Variants in ADH4 observed in about 807,000 individuals in gnomAD.
ADH4 encodes all-trans-retinol dehydrogenase [NAD(+)] ADH4.
A neutral mutation model predicts 35.2 loss-of-function variants in ADH4; 31 were observed. The observed-to-expected ratio is 0.88, with a 90% CI of 0.66 to 1.19. The LOEUF (loss-of-function observed/expected upper bound fraction) is 1.19, where lower values mean the gene tolerates loss of function less well. Among genes scored for constraint, ADH4 ranks in the 50% most tolerant of loss-of-function variants. The pLI is 0.00. For missense variants in ADH4, 476 were observed against 458.3 expected (o/e 1.04, Z -0.35); for synonymous variants, 171 against 160.2 (o/e 1.07, Z -0.51).
At chr4:99,141,168 T>C (rs968594434) in intron 3 of ADH4, among the ~76,000 whole-genome samples, 2 of 152,196 alleles carry the variant, frequency 1.3e-5, no homozygotes, top group African/African-American at 4.8e-5. Flanking sequence ...TACAATAGTT[T>C]GCTAAGGATA....
At chr4:99,127,369 T>A in intron 6 of ADH4, 25 bp from the exon 7 acceptor site, 1 of 1,556,366 alleles carries the variant, frequency 6.4e-7, no homozygotes, top group Admixed American at 1.9e-5. Flanking sequence ...AAAAGAATAC[T>A]TGAGTCAGTG....
chr4:99,128,027 CTA>C (rs1309656937), intron 6 of ADH4, among the ~76,000 whole-genome samples: 1 of 149,608 alleles, frequency 6.7e-6, no homozygotes, highest in African/African-American at 2.4e-5. Context: ...ACAAATAAGA[CTA>C]ATTTAAAATT....
intron 6 of ADH4, among the ~76,000 whole-genome samples, chr4:99,129,518 C>T (rs1206506202): frequency 2.0e-5 from 3 of 152,192 alleles, no homozygotes; most frequent in Non-Finnish European, 4.4e-5. Flanking sequence ...TTGATTTGCT[C>T]TTAATACAAT....
chr4:99,138,773 T>A (rs752832587), intron 4 of ADH4, among the ~76,000 whole-genome samples: 1 of 152,218 alleles, frequency 6.6e-6, no homozygotes, highest in Non-Finnish European at 1.5e-5. Flanking sequence ...GCCATTTTTA[T>A]TGTTGTGTAG....
intron 5 of ADH4, 24 bp downstream of exon 5, chr4:99,136,442 A>G (rs777997508): frequency 6.3e-7 from 1 of 1,595,860 alleles, no homozygotes; most frequent in South Asian, 1.1e-5. Flanking sequence ...TCTGTTTTAC[A>G]CAAACTGGTG....
At chr4:99,142,578 C>A in intron 2 of ADH4, 101 bp downstream of exon 2, 1 of 591,882 alleles carries the variant, frequency 1.7e-6, no homozygotes, top group Admixed American at 3.5e-5. Flanking sequence ...GTACTAGAAA[C>A]TCCAAGGCCT....
At chr4:99,137,656 T>G (rs1008074110) in intron 4 of ADH4, among the ~76,000 whole-genome samples, 1 of 152,278 alleles carries the variant, frequency 6.6e-6, no homozygotes, top group East Asian at 1.9e-4. Context: ...TTGTGGAAAA[T>G]TTGAACATGT....
intron 5 of ADH4, among the ~76,000 whole-genome samples, chr4:99,135,451 G>A (rs922346089): frequency 6.6e-6 from 1 of 152,080 alleles, no homozygotes; most frequent in Non-Finnish European, 1.5e-5. Flanking sequence ...AATTTGGGGT[G>A]AAAACTGGGA....
intron 5 of ADH4, chr4:99,133,918 AC>A (rs1187717991): frequency 6.6e-6 from 1 of 152,230 alleles, no homozygotes; most frequent in Non-Finnish European, 1.5e-5. Flanking sequence ...CTTTTGCTCC[AC>A]AAATAGATGA....
At chr4:99,134,482 A>G (rs886793882) in intron 5 of ADH4, among the ~76,000 whole-genome samples, 1 of 152,134 alleles carries the variant, frequency 6.6e-6, no homozygotes, top group Non-Finnish European at 1.5e-5. Flanking sequence ...CTGAACCTCT[A>G]GTGCTGATGG....
intron 6 of ADH4, among the ~76,000 whole-genome samples, chr4:99,129,354 A>G (rs1384127265): frequency 6.6e-6 from 1 of 152,134 alleles, no homozygotes; most frequent in East Asian, 1.9e-4. Flanking sequence ...CAAGCATGTC[A>G]TAGATCATCT....
intron 7 of ADH4, 30 bp from the exon 8 acceptor site, chr4:99,126,762 A>T: frequency 6.4e-7 from 1 of 1,565,198 alleles, no homozygotes; most frequent in Non-Finnish European, 8.7e-7. Flanking sequence ...CAAAATAAAG[A>T]CATGGCACTT....
intron 4 of ADH4, among the ~76,000 whole-genome samples, chr4:99,137,252 C>T (rs1038201984): frequency 1.3e-5 from 2 of 152,130 alleles, no homozygotes; most frequent in East Asian, 1.9e-4. Context: ...CTCAGCCTCC[C>T]GAGTAGCTGG....
chr4:99,127,326 T>G lies in ADH4; in HGVS notation c.862A>C (p.Thr288Pro). The change falls in exon 7 of 9, where the codon ACA becomes CCA. Residue 288 changes from threonine (T) to proline (P), a missense_variant. Transcript: ENST00000265512. ...GTACATGATCCCCAGCCTGCGGTTG[T>G]ACAGTCCAGGGCTGCTTTCTGTGAT... ...SETMKAALDC[T>P]TAGWGSCTFI... 6.2e-7 allele frequency: 1 copy of G among 1,612,082 alleles called. No individual in the cohort carries two copies.
Position 99,131,750 on chromosome 4 carries a change from C to A in ADH4, c.597G>T (p.Ser199=). 2.5e-6 allele frequency: 4 copies of A among 1,613,940 alleles called. No homozygotes were observed. The highest frequency in any genetic ancestry group is 2.2e-5 in the South Asian group (2 of 91,026). The part of the protein sequence containing the change: ...AINNAKVTPG[S]TCAVFGLGGV... ...CTCCTAGGCCAAAGACAGCACAAGT[C>A]GAACCAGGGGTGACCTGCAAGCAGG... Residue 199 remains serine, a synonymous_variant, in exon 6 of 9, where the codon TCG becomes TCT. Transcript: ENST00000265512.
At chr4:99,128,624 A>G (rs941284609) in intron 6 of ADH4, among the ~76,000 whole-genome samples, 5 of 152,314 alleles carry the variant, frequency 3.3e-5, no homozygotes, top group Admixed American at 2.6e-4. Flanking sequence ...AATGCTGGAT[A>G]TGTGAGTCAT....
intron 8 of ADH4, among the ~76,000 whole-genome samples, chr4:99,125,206 C>A (rs1217390680): frequency 1.3e-5 from 2 of 152,208 alleles, no homozygotes; most frequent in Non-Finnish European, 2.9e-5. Context: ...CTTGTGCTTC[C>A]TGTGCCCATA....
intron 4 of ADH4, among the ~76,000 whole-genome samples, chr4:99,136,957 T>C (rs1176277872): frequency 6.6e-6 from 1 of 151,566 alleles, no homozygotes; most frequent in Non-Finnish European, 1.5e-5. Context: ...GGAACAATTT[T>C]TTTTTTTTTA....
chr4:99,136,601 G>A lies in ADH4; in HGVS notation c.447C>T (p.Thr149=). The change falls in exon 5 of 9, where the codon ACC becomes ACT. Residue 149 remains threonine (T), a synonymous_variant. Coordinates refer to ENST00000265512, the MANE Select transcript of ADH4 (RefSeq NM_000670.5). ...CCACAGTGTACTGAGAGAATGTACTGGTTCCAAAGAAATGGTAAACTGGTT... is the reference window on the plus strand; with the variant it reads ...CCACAGTGTACTGAGAGAATGTACTAGTTCCAAAGAAATGGTAAACTGGTT... ...KGKPVYHFFG[T]STFSQYTVVS... The A allele has an allele frequency of 6.2e-7, 1 of 1,614,052 alleles. No individual in the cohort carries two copies. The highest frequency in any genetic ancestry group is 8.5e-7 in the Non-Finnish European group (1 of 1,179,948).
Sources: allele counts gnomAD v4.1 joint callset (sites outside exome capture counted in the v4.1 genomes callset), GRCh38; gene constraint gnomAD v4.1.1; transcripts MANE v1.5; gene names NCBI Gene and HGNC (gene_info 2026-07-23, HGNC 2026-07-21).